Variants in ALKBH8 observed in about 807,000 individuals in gnomAD.
ALKBH8 encodes the protein tRNA (carboxymethyluridine(34)-5-O)-methyltransferase ALKBH8.
In ALKBH8, 36 loss-of-function variants were observed where a neutral mutation model predicts 59.8. The observed-to-expected ratio is 0.60, with a 90% CI of 0.46 to 0.79. ALKBH8 has a LOEUF of 0.79. ALKBH8 is among the 30% of genes least tolerant of loss of function. The pLI is 0.00. For synonymous variants in ALKBH8, 276 were observed against 273.6 expected, an observed-to-expected ratio of 1.01 and a Z score of -0.09; for missense variants, 768 against 801.0, an observed-to-expected ratio of 0.96 and a Z score of 0.50.
At chr11:107,505,254 A>C (rs1862335920) in intron 11 of ALKBH8, 39 bp from the exon 12 acceptor site, 4 of 1,448,006 alleles carry the variant, frequency 2.8e-6, no homozygotes, top group Non-Finnish European at 3.7e-6. Context: ...AACCTGGAAG[A>C]GACAGGAAAT....
Position 107,547,065 on chromosome 11 carries a change from T to A in ALKBH8, c.771+2688A>T, listed in dbSNP as rs182153457. 1.5e-3 allele frequency among the ~76,000 whole-genome samples: 226 copies of A among 152,290 alleles called. 1 individual carries two copies. Among genetic ancestry groups the A allele is most frequent in the Admixed American group, 3.7e-3 (57 of 15,298 alleles). ...AACGTCAATGACTTTAGCTGAGTCTTTGACATTATATTTAAGCCAAACAAA... is the reference window on the plus strand; with the variant it reads ...AACGTCAATGACTTTAGCTGAGTCTATGACATTATATTTAAGCCAAACAAA... On this transcript the variant is annotated intron_variant, in intron 7 of 11. Coordinates refer to ENST00000428149, the MANE Select transcript of ALKBH8 (RefSeq NM_138775.3).
intron 1 of ALKBH8, 108 bp downstream of exon 1, chr11:107,565,493 A>G (rs1331009218): frequency 6.7e-7 from 1 of 1,484,334 alleles, no homozygotes; most frequent in Middle Eastern, 1.7e-4. Context: ...CCCTTTCCCT[A>G]GGTTCTCAGC....
At chr11:107,554,155 T>C (rs1191105928) in intron 3 of ALKBH8, among the ~76,000 whole-genome samples, 177 bp from the exon 4 acceptor site, 1 of 152,162 alleles carries the variant, frequency 6.6e-6, no homozygotes, top group African/African-American at 2.4e-5. Flanking sequence ...AAGATCAAAA[T>C]GATGGTACAC....
intron 2 of ALKBH8, among the ~76,000 whole-genome samples, chr11:107,559,314 T>G (rs1344724564): frequency 6.6e-6 from 1 of 152,182 alleles, no homozygotes; most frequent in Non-Finnish European, 1.5e-5. Context: ...TGCTCTCCCC[T>G]GGAAAGATAA....
intron 2 of ALKBH8, among the ~76,000 whole-genome samples, chr11:107,558,441 G>C (rs903552608): frequency 3.3e-5 from 5 of 152,072 alleles, no homozygotes; most frequent in Non-Finnish European, 7.4e-5. Context: ...AAAATAACTT[G>C]GTTATATGTG....
At position 107,504,126 on chromosome 11, in the gene ALKBH8, T is replaced by G. The variant is rs1395832899; in HGVS notation, c.*532A>C. 5.6e-6 allele frequency: 1 copy of G among 180,180 alleles called. No homozygotes were observed. Among genetic ancestry groups the G allele is most frequent in the Non-Finnish European group, 1.1e-5 (1 of 87,584 alleles). 11.2% of individuals were successfully genotyped at this position (180,180 alleles called of 1,614,324 possible). A position where few individuals can be genotyped will look rare whatever the true frequency, so the allele number is the denominator to read the frequency against. ...TTTGAATGAAACTCCTACTAAGTTC[T>G]GGGTATTATCTGATTGACTAAACGT... On this transcript the variant is annotated 3_prime_UTR_variant, in exon 12 of 12. Transcript: ENST00000428149.
chr11:107,528,672 G>T (rs1453287279), intron 8 of ALKBH8, among the ~76,000 whole-genome samples: 1 of 152,100 alleles, frequency 6.6e-6, no homozygotes, highest in African/African-American at 2.4e-5. Flanking sequence ...CAAAGGCCAA[G>T]GAGTTCCTAA....
At chr11:107,551,589 G>A (rs1864493464) in intron 6 of ALKBH8, among the ~76,000 whole-genome samples, 1 of 151,434 alleles carries the variant, frequency 6.6e-6, no homozygotes, top group Non-Finnish European at 1.5e-5. Context: ...AGCTACTTGG[G>A]AAGCTGAGGC....
At chr11:107,539,760 T>G (rs1445734105) in intron 7 of ALKBH8, among the ~76,000 whole-genome samples, 1 of 152,052 alleles carries the variant, frequency 6.6e-6, no homozygotes, top group Non-Finnish European at 1.5e-5. Context: ...CTAAATGTCT[T>G]GAAAGTTAGA....
intron 2 of ALKBH8, among the ~76,000 whole-genome samples, chr11:107,559,098 T>TTCC (rs1421553724): frequency 6.6e-6 from 1 of 152,190 alleles, no homozygotes; most frequent in Admixed American, 6.5e-5. Context: ...TATAAGGGGT[T>TTCC]TCCCCTTTCG....
chr11:107,525,663 T>A, intron 8 of ALKBH8, 71 bp from the exon 9 acceptor site: 1 of 1,064,480 alleles, frequency 9.4e-7, no homozygotes. Context: ...TTAAAAATGT[T>A]AAGTGAATAG....
chr11:107,516,180 C>T (rs1011226752), intron 10 of ALKBH8, among the ~76,000 whole-genome samples: 19 of 152,128 alleles, frequency 1.2e-4, no homozygotes, highest in Non-Finnish European at 2.2e-4. Flanking sequence ...AGTTGAAAGT[C>T]GTTAAATGGT....
At position 107,556,971 on chromosome 11, in the gene ALKBH8, A is replaced by G. The variant is rs1436046686; in HGVS notation, c.162T>C (p.Asn54=). 6.2e-7 allele frequency: 1 copy of G among 1,600,554 alleles called. No homozygotes were observed. Among genetic ancestry groups the G allele is most frequent in the Non-Finnish European group, 8.5e-7 (1 of 1,173,968 alleles). Residue 54 remains asparagine, a synonymous_variant, in exon 3 of 12, where the codon AAT becomes AAC. Coordinates refer to ENST00000428149, the MANE Select transcript of ALKBH8 (RefSeq NM_138775.3). ...GGAGCAGCTGGTTCCGACTCACACC[A>G]TTACCCAAACCACCATTGGCAACAA... ...SLVVANGGLG[N]GVSRNQLLPV...
rs749530398 is a variant in ALKBH8 at position 107,553,929 on chromosome 11, T to C, written c.417A>G (p.Val139=). ...RPQALPPGLM[V]VEEIISSEEE... is the part of the protein sequence containing the mutation. ...CCTCAGAAGAAATTATTTCTTCTAC[T>C]ACCATGAGTCCTGGTGGTAAGGCTT... is the stretch of plus-strand genomic sequence containing the variant. The change falls in exon 4 of 12, where the codon GTA becomes GTG. Residue 139 remains valine, a synonymous_variant. Coordinates refer to ENST00000428149, the MANE Select transcript of ALKBH8 (RefSeq NM_138775.3). 1 of 1,613,532 alleles carries C rather than the reference T, an allele frequency of 6.2e-7. No homozygotes were observed. Among genetic ancestry groups the C allele is most frequent in the East Asian group, 2.2e-5 (1 of 44,854 alleles).
chr11:107,548,041 T>G (rs758306048), intron 7 of ALKBH8, among the ~76,000 whole-genome samples: 11 of 152,196 alleles, frequency 7.2e-5, no homozygotes, highest in Non-Finnish European at 1.2e-4. Flanking sequence ...GAATAAAAAG[T>G]AGAAAGCACA....
intron 10 of ALKBH8, among the ~76,000 whole-genome samples, chr11:107,519,042 C>T (rs1351693695): frequency 3.9e-5 from 6 of 152,092 alleles, no homozygotes; most frequent in African/African-American, 9.7e-5. Context: ...TGGCCTCAAG[C>T]GATCCTCCCT....
chr11:107,520,722 T>A (rs528675171), intron 10 of ALKBH8, among the ~76,000 whole-genome samples: 1 of 152,194 alleles, frequency 6.6e-6, no homozygotes, highest in Non-Finnish European at 1.5e-5. Flanking sequence ...AATTTAATTG[T>A]AAACATGGTA....
At chr11:107,531,813 TA>T (rs1863606498) in intron 8 of ALKBH8, among the ~76,000 whole-genome samples, 1 of 152,174 alleles carries the variant, frequency 6.6e-6, no homozygotes, top group South Asian at 2.1e-4. Context: ...TTACAACCTT[TA>T]AAAATGTAAA....
intron 7 of ALKBH8, among the ~76,000 whole-genome samples, chr11:107,547,781 G>A (rs1864327065): frequency 6.6e-6 from 1 of 152,122 alleles, no homozygotes; most frequent in Admixed American, 6.6e-5. Flanking sequence ...CATAACTTAT[G>A]CACACTTTCC....
Sources: gnomAD v4.1 joint callset for allele counts (sites outside exome capture counted in the v4.1 genomes callset) on GRCh38, gnomAD v4.1.1 for gene constraint, MANE v1.5 for transcripts, NCBI Gene and HGNC (gene_info 2026-07-23, HGNC 2026-07-21) for gene names.